DNA2: variants seen among roughly 807,000 people sequenced by gnomAD.
The protein encoded by DNA2 is DNA replication helicase/nuclease 2.
DNA2 carries 101 observed loss-of-function variants against 119.1 expected under a neutral mutation model. The ratio of observed to expected loss-of-function variants is 0.85; its 90% CI spans 0.72 to 1.00. DNA2 has a LOEUF of 1.00. DNA2 is among the 50% of genes least tolerant of loss of function. DNA2 has a pLI of 0.00. For synonymous variants in DNA2, 366 were observed against 424.4 expected (o/e 0.86, Z 1.69); for missense variants, 1,121 against 1,255.5 (o/e 0.89, Z 1.62).
intron 20 of DNA2, 53 bp from the exon 21 acceptor site, chr10:68,415,160 T>C: frequency 9.0e-7 from 1 of 1,112,826 alleles, no homozygotes; most frequent in Admixed American, 2.2e-5. Flanking sequence ...GGCATAAATT[T>C]ATGACATTAT....
At chr10:68,430,827 AATAAT>A (rs2051810797) in intron 13 of DNA2, among the ~76,000 whole-genome samples, 167 bp from the exon 14 acceptor site, 1 of 152,174 alleles carries the variant, frequency 6.6e-6, no homozygotes, top group Non-Finnish European at 1.5e-5. Flanking sequence ...ATACGTTATT[AATAAT>A]ATGTCAATAA....
chr10:68,471,976 G>A (rs778754876), upstream of DNA2: 3 of 1,611,806 alleles, frequency 1.9e-6, no homozygotes, highest in East Asian at 6.7e-5. Flanking sequence ...GCGCGCATGC[G>A]CCAACCCGCA....
chr10:68,430,034 C>G (rs989476834), intron 14 of DNA2, among the ~76,000 whole-genome samples: 1 of 151,644 alleles, frequency 6.6e-6, no homozygotes, highest in Admixed American at 6.6e-5. Flanking sequence ...CAGGCGCCCA[C>G]CACCACGCCC....
rs150470588 is a variant in DNA2, at chr10:68,436,274, GA to G, written c.1646+736del. ...GAGGGTCTCATATATGCTGAAATATGAATGAACTTTGCAAACATTAGGCTAA... is the reference window on the plus strand; with the variant it reads ...GAGGGTCTCATATATGCTGAAATATGATGAACTTTGCAAACATTAGGCTAA... On this transcript the variant is annotated intron_variant, in intron 10 of 20. Transcript: ENST00000358410. Among the ~76,000 whole-genome samples the G allele has an allele frequency of 7.9e-3, 1,208 of 152,286 alleles. 27 individuals carry two copies. The highest frequency in any genetic ancestry group is 0.028 in the African/African-American group (1,162 of 41,554).
At chr10:68,440,168 G>T (rs1015350804) in intron 9 of DNA2, among the ~76,000 whole-genome samples, 2 of 152,098 alleles carry the variant, frequency 1.3e-5, no homozygotes, top group African/African-American at 4.8e-5. Flanking sequence ...GCTGGGTGTG[G>T]TGGCACGTGC....
At chr10:68,445,544 T>C (rs2052027895) in intron 7 of DNA2, among the ~76,000 whole-genome samples, 1 of 152,114 alleles carries the variant, frequency 6.6e-6, no homozygotes, top group Non-Finnish European at 1.5e-5. Flanking sequence ...TTTCCCACTA[T>C]ACTAGAATAA....
intron 3 of DNA2, among the ~76,000 whole-genome samples, chr10:68,466,637 C>T (rs769405420): frequency 2.0e-5 from 3 of 151,106 alleles, no homozygotes; most frequent in South Asian, 2.1e-4. Flanking sequence ...GGAGTGCAGC[C>T]GCGCGACTTT....
Position 68,465,793 on chromosome 10 carries a change from C to T in DNA2, c.461G>A (p.Arg154His), listed in dbSNP as rs760075530. 23 of 1,585,476 alleles carry T rather than the reference C, an allele frequency of 1.5e-5. No individual in the cohort carries two copies. The highest frequency in any genetic ancestry group is 1.7e-4 in the Middle Eastern group (1 of 5,982). Reference sequence around the variant, plus strand: ...GAGAACCGTACCAATTAGCATTTGGCGTGTGGCTGGATCAGAGCTCTACAA... The same window carrying T: ...GAGAACCGTACCAATTAGCATTTGGTGTGTGGCTGGATCAGAGCTCTACAA... ...ETFRSSDPAT[R>H]QMLIGTVLHE... Residue 154 changes from arginine to histidine, a missense_variant, in exon 4 of 21, where the codon CGC (arginine) becomes CAC (histidine). By Grantham distance (29) the Arg-to-His change is conservative. Coordinates refer to ENST00000358410, the MANE Select transcript of DNA2 (RefSeq NM_001080449.3).
intron 9 of DNA2, among the ~76,000 whole-genome samples, chr10:68,437,674 C>CA (rs760627093): frequency 2.0e-5 from 3 of 147,536 alleles, no homozygotes; most frequent in Admixed American, 6.7e-5. Flanking sequence ...AAAACAAAAA[C>CA]AAAACAAAAC....
intron 14 of DNA2, among the ~76,000 whole-genome samples, chr10:68,427,591 G>T (rs1483142087): frequency 6.6e-6 from 1 of 151,552 alleles, no homozygotes; most frequent in Non-Finnish European, 1.5e-5. Flanking sequence ...CAGGGCTGCA[G>T]TGAGGCGTGG....
intron 9 of DNA2, among the ~76,000 whole-genome samples, chr10:68,439,811 C>T (rs2051942639): frequency 6.7e-6 from 1 of 150,116 alleles, no homozygotes; most frequent in Non-Finnish European, 1.5e-5. Context: ...GCACTCCAGC[C>T]TGAGCAACAA....
At chr10:68,455,641 T>C (rs1022938706) in intron 5 of DNA2, among the ~76,000 whole-genome samples, 1 of 151,474 alleles carries the variant, frequency 6.6e-6, no homozygotes, top group Non-Finnish European at 1.5e-5. Context: ...GCCAACATGG[T>C]GAAACCTCGC....
chr10:68,448,972 T>C lies in DNA2; in HGVS notation c.939+1056A>G, dbSNP rs113327458. 3.5e-3 allele frequency among the ~76,000 whole-genome samples: 500 copies of C among 142,134 alleles called. 2 individuals carry two copies. The highest frequency in any genetic ancestry group is 8.9e-3 in the South Asian group (41 of 4,598). 93.2% of individuals were successfully genotyped at this position (142,134 alleles called of 152,430 possible). A position where few individuals can be genotyped will look rare whatever the true frequency, so the allele number is the denominator to read the frequency against. ...GTGTGTGTGTGTGTGTGTGTGCGTG[T>C]GTGTGTGTGTGTGTAGTAGTTTCAC... is the stretch of plus-strand genomic sequence containing the variant. On this transcript the variant is annotated intron_variant, in intron 6 of 20. Coordinates refer to ENST00000358410, the MANE Select transcript of DNA2 (RefSeq NM_001080449.3).
chr10:68,445,584 T>C (rs2052028319), intron 7 of DNA2, among the ~76,000 whole-genome samples: 1 of 152,130 alleles, frequency 6.6e-6, no homozygotes, highest in Non-Finnish European at 1.5e-5. Context: ...TTTCCCACTA[T>C]ACTAGAATAA....
intron 9 of DNA2, among the ~76,000 whole-genome samples, chr10:68,441,224 G>C (rs2051963032): frequency 6.6e-6 from 1 of 151,166 alleles, no homozygotes. Context: ...TAGCTACTCA[G>C]GAGGTTGAGG....
chr10:68,434,574 C>T (rs1433150651), intron 10 of DNA2, among the ~76,000 whole-genome samples: 2 of 151,982 alleles, frequency 1.3e-5, no homozygotes, highest in East Asian at 3.9e-4. Flanking sequence ...ACTGCTTGAT[C>T]CCAGGAAGTC....
intron 5 of DNA2, among the ~76,000 whole-genome samples, chr10:68,456,747 A>T (rs1233198545): frequency 1.3e-5 from 2 of 151,982 alleles, no homozygotes; most frequent in African/African-American, 2.4e-5. Context: ...ACAAAATGTT[A>T]TAAAATATTG....
intron 10 of DNA2, among the ~76,000 whole-genome samples, chr10:68,433,673 G>A (rs1311009062): frequency 3.9e-5 from 6 of 152,104 alleles, no homozygotes; most frequent in Non-Finnish European, 7.3e-5. Context: ...GGGACTACAC[G>A]TGTACACCAC....
In DNA2 at chr10:68,470,030, C is replaced by T; in HGVS notation, c.208G>A (p.Ala70Thr). 1 of 1,612,876 alleles carries T rather than the reference C, an allele frequency of 6.2e-7. No individual in the cohort carries two copies. The highest frequency in any genetic ancestry group is 2.2e-5 in the East Asian group (1 of 44,866). ...TCTTTATTTTCTAGTGACTGTGAAGCAGTGATGACCAGGCGCTTTTCACAG... is the reference window on the plus strand; with the variant it reads ...TCTTTATTTTCTAGTGACTGTGAAGTAGTGATGACCAGGCGCTTTTCACAG... ...GNCEKRLVIT[A>T]SQSLENKELC... is the part of the protein sequence containing the mutation. Residue 70 changes from alanine to threonine, a missense_variant, in exon 2 of 21, where the codon GCT becomes ACT. By Grantham distance (58) the Ala-to-Thr change is moderately conservative. Coordinates refer to ENST00000358410, the MANE Select transcript of DNA2 (RefSeq NM_001080449.3).
Sources: allele counts gnomAD v4.1 joint callset (sites outside exome capture counted in the v4.1 genomes callset), GRCh38; gene constraint gnomAD v4.1.1; transcripts MANE v1.5; gene names NCBI Gene and HGNC (gene_info 2026-07-23, HGNC 2026-07-21).